The following SYT1 variants were observed in gnomAD, a reference collection of about 807,000 sequenced individuals.
The protein encoded by SYT1 is synaptotagmin 1, also known as synaptotagmin-1.
A neutral mutation model predicts 44.8 loss-of-function variants in SYT1; 8 were observed. That is an observed-to-expected ratio of 0.18 (90% CI 0.10 to 0.32). The LOEUF (loss-of-function observed/expected upper bound fraction) is 0.32, where lower values mean the gene tolerates loss of function less well. SYT1 is among the 10% of genes least tolerant of loss of function. The probability of loss-of-function intolerance (pLI) is 1.00; values close to 1 mark genes in which losing one functional copy is unlikely to be tolerated. For synonymous variants in SYT1, 154 were observed against 188.8 expected, an observed-to-expected ratio of 0.82 and a Z score of 1.51; for missense variants, 286 against 509.3, an observed-to-expected ratio of 0.56 and a Z score of 4.22.
In SYT1 at chr12:79,192,184, G is replaced by A. The variant is rs141145868; in HGVS notation, c.-17-25319G>A. ...GAAATACCTAGCAAGGACTAGGAGT[G>A]AGAAGGAACAGGAGTGTGTGTTTTA... On this transcript the variant is annotated intron_variant, in intron 3 of 10. Coordinates refer to ENST00000261205, the MANE Select transcript of SYT1 (RefSeq NM_005639.3). Among the ~76,000 whole-genome samples the A allele has an allele frequency of 4.1e-3, 618 of 152,310 alleles. 3 individuals carry two copies. The highest frequency in any genetic ancestry group is 0.014 in the African/African-American group (582 of 41,578).
chr12:78,930,519 T>C (rs1384721638), intron 1 of SYT1, among the ~76,000 whole-genome samples: 1 of 151,780 alleles, frequency 6.6e-6, no homozygotes, highest in Admixed American at 6.6e-5. Flanking sequence ...GACTCAGAGA[T>C]TTTTAGAAAT....
At chr12:79,368,140 A>T (rs1883629105) in intron 9 of SYT1, among the ~76,000 whole-genome samples, 1 of 148,432 alleles carries the variant, frequency 6.7e-6, no homozygotes, top group Non-Finnish European at 1.5e-5. Flanking sequence ...GAGTGAGAAC[A>T]CGCGGTGTTT....
chr12:79,438,917 G>A (rs986828306), intron 9 of SYT1, among the ~76,000 whole-genome samples: 11 of 152,228 alleles, frequency 7.2e-5, no homozygotes, highest in South Asian at 2.1e-4. Context: ...CAGCTAAGTG[G>A]AAACCAGAAA....
intron 4 of SYT1, among the ~76,000 whole-genome samples, chr12:79,241,351 A>G (rs1243055352): frequency 2.0e-5 from 3 of 151,900 alleles, no homozygotes; most frequent in Non-Finnish European, 2.9e-5. Context: ...GCTCACTGCA[A>G]CCTCCACCTT....
rs116141683 is a variant in SYT1, at chr12:79,088,679, C to T, written c.-18+41317C>T. Among the ~76,000 whole-genome samples, 596 of 151,288 alleles carry T rather than the reference C, an allele frequency of 3.9e-3. 6 individuals carry two copies. The highest frequency in any genetic ancestry group is 0.014 in the African/African-American group (565 of 41,224). ...ATGCACTCTGAATAGATTGGAGGAGCGCAAACATGGAGAGAACAGAAGAAT... is the reference window on the plus strand; with the variant it reads ...ATGCACTCTGAATAGATTGGAGGAGTGCAAACATGGAGAGAACAGAAGAAT... On this transcript the variant is annotated intron_variant, in intron 3 of 10. Coordinates refer to ENST00000261205, the MANE Select transcript of SYT1 (RefSeq NM_005639.3).
At chr12:79,011,913 C>T (rs1473942985) in intron 2 of SYT1, among the ~76,000 whole-genome samples, 2 of 151,940 alleles carry the variant, frequency 1.3e-5, no homozygotes, top group Non-Finnish European at 2.9e-5. Flanking sequence ...GGGTGAATCA[C>T]CTTAGGTCAG....
At chr12:78,876,000 T>A (rs1289568033) in intron 1 of SYT1, among the ~76,000 whole-genome samples, 1 of 151,736 alleles carries the variant, frequency 6.6e-6, no homozygotes, top group East Asian at 1.9e-4. Context: ...ATTGTTCCTA[T>A]AAATTTAAGT....
At chr12:78,906,457 G>C (rs1875985057) in intron 1 of SYT1, among the ~76,000 whole-genome samples, 1 of 152,098 alleles carries the variant, frequency 6.6e-6, no homozygotes, top group African/African-American at 2.4e-5. Flanking sequence ...GGATAATAGA[G>C]AGAAGCAGAT....
intron 3 of SYT1, among the ~76,000 whole-genome samples, chr12:79,094,842 AAATT>A (rs756254857): frequency 2.2e-4 from 34 of 152,072 alleles, no homozygotes; most frequent in Non-Finnish European, 4.1e-4. Flanking sequence ...CTCATGACCT[AAATT>A]AATAAGCCTT....
chr12:79,364,634 G>A (rs559328813), intron 9 of SYT1, among the ~76,000 whole-genome samples: 104 of 152,086 alleles, frequency 6.8e-4, no homozygotes, highest in Non-Finnish European at 1.0e-3. Flanking sequence ...AGAATTAAGC[G>A]CATTTATTTT....
chr12:79,148,694 A>T (rs1020410157), intron 3 of SYT1, among the ~76,000 whole-genome samples: 5 of 152,198 alleles, frequency 3.3e-5, no homozygotes, highest in Non-Finnish European at 7.4e-5. Flanking sequence ...ATAATGCACT[A>T]TAGTTTCCAA....
intron 1 of SYT1, among the ~76,000 whole-genome samples, chr12:78,869,318 T>C (rs1418869850): frequency 2.0e-5 from 3 of 151,956 alleles, no homozygotes; most frequent in Non-Finnish European, 4.4e-5. Flanking sequence ...GCCGGGTATG[T>C]GAACATCACT....
intron 3 of SYT1, among the ~76,000 whole-genome samples, chr12:79,057,521 T>C (rs916377128): frequency 4.6e-5 from 7 of 152,230 alleles, no homozygotes; most frequent in Non-Finnish European, 1.5e-5. Flanking sequence ...TATATTTGCA[T>C]GTGGCATTGA....
chr12:78,889,153 T>G (rs1277212473), intron 1 of SYT1, among the ~76,000 whole-genome samples: 2 of 151,944 alleles, frequency 1.3e-5, no homozygotes, highest in Non-Finnish European at 2.9e-5. Context: ...CTGCTTTGTC[T>G]GGGAATGTTT....
rs186047479 is a variant in SYT1, at chr12:79,410,572, C to T, written c.929-33501C>T. 1.1e-3 allele frequency among the ~76,000 whole-genome samples: 171 copies of T among 150,578 alleles called. 2 individuals carry two copies. The highest frequency in any genetic ancestry group is 9.0e-3 in the Admixed American group (136 of 15,090). On this transcript the variant is annotated intron_variant, in intron 9 of 10. Transcript: ENST00000261205. ...AACAAAATAAAGCAGGTTATACAAG[C>T]TCGTATGCATCTCAGATGAAGAACT...
intron 3 of SYT1, among the ~76,000 whole-genome samples, chr12:79,098,734 C>T (rs1878286753): frequency 1.3e-5 from 2 of 152,088 alleles, no homozygotes; most frequent in South Asian, 2.1e-4. Context: ...GAGAAAACCA[C>T]GTGTTAGCAG....
At chr12:79,035,724 G>C (rs2137691977) in intron 2 of SYT1, among the ~76,000 whole-genome samples, 1 of 151,674 alleles carries the variant, frequency 6.6e-6, no homozygotes, top group East Asian at 2.0e-4. Flanking sequence ...GAGACATTCT[G>C]CTCTGTTTTG....
chr12:79,232,941 T>G (rs1285576211), intron 4 of SYT1, among the ~76,000 whole-genome samples: 1 of 152,224 alleles, frequency 6.6e-6, no homozygotes, highest in African/African-American at 2.4e-5. Flanking sequence ...TGCCATGCCC[T>G]CTACCCCACT....
chr12:79,047,827 A>G (rs932150414), intron 3 of SYT1, among the ~76,000 whole-genome samples: 3 of 151,976 alleles, frequency 2.0e-5, no homozygotes, highest in African/African-American at 7.2e-5. Context: ...AATCTACACC[A>G]TATTCTCATT....
Sources: gnomAD v4.1 joint callset for allele counts (sites outside exome capture counted in the v4.1 genomes callset) on GRCh38, gnomAD v4.1.1 for gene constraint, MANE v1.5 for transcripts, NCBI Gene and HGNC (gene_info 2026-07-23, HGNC 2026-07-21) for gene names.